The following PTPRD variants were observed in gnomAD, a reference collection of about 807,000 sequenced individuals.
PTPRD encodes the protein receptor-type tyrosine-protein phosphatase delta.
In PTPRD, 34 loss-of-function variants were observed where a neutral mutation model predicts 214.5. That is an observed-to-expected ratio of 0.16 (90% CI 0.12 to 0.21). PTPRD has a LOEUF of 0.21. PTPRD is among the 10% of genes least tolerant of loss of function. PTPRD has a pLI of 1.00. For synonymous variants in PTPRD, 1,128 were observed against 845.7 expected (o/e 1.33, Z -5.79); for missense variants, 2,545 against 2,398.7 (o/e 1.06, Z -1.27).
intron 6 of PTPRD, among the ~76,000 whole-genome samples, chr9:9,764,858 G>C (rs1171751347): frequency 6.6e-6 from 1 of 152,140 alleles, no homozygotes; most frequent in Non-Finnish European, 1.5e-5. Context: ...AAATGTTCTA[G>C]TTTTCAGTTC....
At chr9:10,370,725 A>C (rs950852509) in intron 2 of PTPRD, among the ~76,000 whole-genome samples, 8 of 152,058 alleles carry the variant, frequency 5.3e-5, no homozygotes, top group Non-Finnish European at 7.4e-5. Context: ...CTTAAATATT[A>C]AAAAATTCTA....
At chr9:9,456,784 C>T (rs1305667907) in intron 8 of PTPRD, among the ~76,000 whole-genome samples, 1 of 151,764 alleles carries the variant, frequency 6.6e-6, no homozygotes. Context: ...TAAATAACTT[C>T]TTAAAAGTCA....
At chr9:9,659,904 G>T (rs1353267536) in intron 7 of PTPRD, among the ~76,000 whole-genome samples, 2 of 152,088 alleles carry the variant, frequency 1.3e-5, no homozygotes, top group East Asian at 3.9e-4. Flanking sequence ...TTCAAGGTGA[G>T]GAAGCAACTT....
chr9:10,568,777 C>G (rs565718793), intron 2 of PTPRD, among the ~76,000 whole-genome samples: 1 of 151,952 alleles, frequency 6.6e-6, no homozygotes, highest in South Asian at 2.1e-4. Flanking sequence ...TAATTCAAGA[C>G]GGATTAAAGA....
chr9:10,285,273 G>A (rs2095305769), intron 3 of PTPRD, among the ~76,000 whole-genome samples: 1 of 125,712 alleles, frequency 8.0e-6, no homozygotes, highest in African/African-American at 4.1e-5. Context: ...TTGTTTTCAC[G>A]TGAGAAAATA....
chr9:9,183,523 A>G (rs1026277890), intron 9 of PTPRD, among the ~76,000 whole-genome samples, 160 bp from the exon 10 acceptor site: 1 of 152,090 alleles, frequency 6.6e-6, no homozygotes, highest in African/African-American at 2.4e-5. Flanking sequence ...TTTATGAAAT[A>G]CAATCTTTAA....
chr9:10,434,664 C>G (rs957472420), intron 2 of PTPRD, among the ~76,000 whole-genome samples: 4 of 151,900 alleles, frequency 2.6e-5, no homozygotes, highest in Non-Finnish European at 2.9e-5. Flanking sequence ...TTGAAAACAG[C>G]AGGAGTTAAA....
At chr9:8,751,402 T>TAA (rs200631771) in intron 11 of PTPRD, among the ~76,000 whole-genome samples, 9 of 96,648 alleles carry the variant, frequency 9.3e-5, no homozygotes, top group South Asian at 8.1e-4. Context: ...TACACTCACT[T>TAA]AAAAAAAAAA....
intron 11 of PTPRD, among the ~76,000 whole-genome samples, chr9:8,824,306 A>G (rs1308165392): frequency 6.6e-6 from 1 of 152,144 alleles, no homozygotes; most frequent in Non-Finnish European, 1.5e-5. Flanking sequence ...TTTATAAGAG[A>G]ACCTTTGATC....
chr9:9,021,198 TAC>T (rs2099568495), intron 10 of PTPRD, among the ~76,000 whole-genome samples: 1 of 152,112 alleles, frequency 6.6e-6, no homozygotes, highest in Non-Finnish European at 1.5e-5. Flanking sequence ...AGAAATGAAG[TAC>T]AGTTATGTGC....
chr9:8,467,359 A>C (rs1047293413), intron 31 of PTPRD, among the ~76,000 whole-genome samples: 1 of 151,830 alleles, frequency 6.6e-6, no homozygotes, highest in Non-Finnish European at 1.5e-5. Context: ...AGCTTTACTT[A>C]TAATACTGAT....
chr9:9,334,584 G>A (rs186267831), intron 9 of PTPRD, among the ~76,000 whole-genome samples: 184 of 151,890 alleles, frequency 1.2e-3, no homozygotes, highest in African/African-American at 4.3e-3. Flanking sequence ...TCTCTTGTGG[G>A]GTTTGGATAT....
intron 8 of PTPRD, among the ~76,000 whole-genome samples, chr9:9,429,748 T>A (rs949749211): frequency 6.6e-6 from 1 of 152,158 alleles, no homozygotes; most frequent in African/African-American, 2.4e-5. Flanking sequence ...TGGTTCAACA[T>A]ACATAAATCA....
At chr9:9,894,117 C>T (rs1294176916) in intron 5 of PTPRD, among the ~76,000 whole-genome samples, 1 of 151,956 alleles carries the variant, frequency 6.6e-6, no homozygotes, top group Non-Finnish European at 1.5e-5. Context: ...CCACTCCCAA[C>T]CCTTTTATTT....
At chr9:8,932,212 G>A (rs1012175676) in intron 11 of PTPRD, among the ~76,000 whole-genome samples, 16 of 151,964 alleles carry the variant, frequency 1.1e-4, no homozygotes, top group Non-Finnish European at 2.2e-4. Flanking sequence ...TTTTGAATTT[G>A]TTTGCTCTTG....
At chr9:9,039,425 C>T (rs1383634158) in intron 10 of PTPRD, among the ~76,000 whole-genome samples, 1 of 152,204 alleles carries the variant, frequency 6.6e-6, no homozygotes, top group Non-Finnish European at 1.5e-5. Flanking sequence ...ACATACTTAT[C>T]TCGATGACTC....
chr9:9,934,755 C>T (rs906662594), intron 5 of PTPRD, among the ~76,000 whole-genome samples: 6 of 151,670 alleles, frequency 4.0e-5, no homozygotes, highest in African/African-American at 4.9e-5. Flanking sequence ...ATACCAAAGC[C>T]GGGCAGAGAC....
intron 9 of PTPRD, among the ~76,000 whole-genome samples, chr9:9,328,518 C>T (rs192924801): frequency 2.5e-4 from 38 of 149,924 alleles, no homozygotes; most frequent in African/African-American, 7.8e-4. Flanking sequence ...TTAAATCTGT[C>T]AATTTAGCAT....
At chr9:8,752,515 T>A (rs1239678783) in intron 11 of PTPRD, among the ~76,000 whole-genome samples, 2 of 152,164 alleles carry the variant, frequency 1.3e-5, no homozygotes, top group Admixed American at 1.3e-4. Context: ...CTTTCATTCC[T>A]TTACTTTTCT....
Sources: gnomAD v4.1 joint callset for allele counts (sites outside exome capture counted in the v4.1 genomes callset) on GRCh38, gnomAD v4.1.1 for gene constraint, MANE v1.5 for transcripts, NCBI Gene and HGNC (gene_info 2026-07-23, HGNC 2026-07-21) for gene names.